FRYL: variants seen among roughly 807,000 people sequenced by gnomAD.
FRYL encodes the protein protein furry homolog-like.
FRYL carries 150 observed loss-of-function variants against 351.2 expected under a neutral mutation model. The observed-to-expected ratio is 0.43, with a 90% CI of 0.37 to 0.49. The LOEUF is 0.49. Ranked by LOEUF, FRYL falls within the 20% of genes least tolerant of loss-of-function variation. FRYL has a pLI of 0.00. For synonymous variants in FRYL, 1,153 were observed against 1,257.1 expected (o/e 0.92, Z 1.75); for missense variants, 3,036 against 3,619.3 (o/e 0.84, Z 4.13).
intron 1 of FRYL, among the ~76,000 whole-genome samples, chr4:48,749,269 T>C (rs1252249520): frequency 1.3e-5 from 2 of 152,222 alleles, no homozygotes; most frequent in East Asian, 1.9e-4. Flanking sequence ...GCTATATTTG[T>C]GACTTAAGTG....
At chr4:48,562,077 G>A (rs998615647) in intron 32 of FRYL, among the ~76,000 whole-genome samples, 2 of 151,970 alleles carry the variant, frequency 1.3e-5, no homozygotes, top group African/African-American at 2.4e-5. Flanking sequence ...TACATTCCTC[G>A]TATTTAATGC....
At chr4:48,613,548 A>C (rs1748681233) in intron 7 of FRYL, among the ~76,000 whole-genome samples, 1 of 152,220 alleles carries the variant, frequency 6.6e-6, no homozygotes, top group Admixed American at 6.5e-5. Context: ...AACACTTGTT[A>C]ACAGTCTTAC....
intron 3 of FRYL, among the ~76,000 whole-genome samples, chr4:48,649,239 A>T (rs762980371): frequency 2.6e-5 from 4 of 152,166 alleles, no homozygotes; most frequent in Non-Finnish European, 5.9e-5. Flanking sequence ...CTATTTTTAC[A>T]ATCCAAAAAA....
chr4:48,595,558 T>TATAC, intron 15 of FRYL, 32 bp downstream of exon 15: 1 of 1,250,968 alleles, frequency 8.0e-7, no homozygotes, highest in Non-Finnish European at 1.1e-6. Context: ...TAACAATTTA[T>TATAC]ATACATACAT....
chr4:48,707,334 A>G (rs1480577418), intron 2 of FRYL, among the ~76,000 whole-genome samples: 1 of 152,204 alleles, frequency 6.6e-6, no homozygotes, highest in Non-Finnish European at 1.5e-5. Context: ...CAATTTTATC[A>G]TTACTTTTTT....
intron 54 of FRYL, among the ~76,000 whole-genome samples, chr4:48,522,464 G>A (rs1304432038): frequency 6.6e-6 from 1 of 152,090 alleles, no homozygotes. Flanking sequence ...GTACTCTTCT[G>A]AAATAACAGG....
At chr4:48,710,017 C>G (rs1300577730) in intron 2 of FRYL, among the ~76,000 whole-genome samples, 1 of 152,140 alleles carries the variant, frequency 6.6e-6, no homozygotes, top group African/African-American at 2.4e-5. Context: ...GAGTAAATAT[C>G]AGAGTTGCCT....
Position 48,499,309 on chromosome 4 carries a change from A to G in FRYL, c.*113T>C. ...ATACAGTTTGACATTAGTTACACTA[A>G]AAAGTAGATGCTGCCAGAAAGTTAT... is the stretch of plus-strand genomic sequence containing the variant. On this transcript the variant is annotated 3_prime_UTR_variant, in exon 64 of 64. Coordinates refer to ENST00000358350, the MANE Select transcript of FRYL (RefSeq NM_015030.2). 3.3e-6 allele frequency: 3 copies of G among 899,828 alleles called. No homozygotes were observed. The highest frequency in any genetic ancestry group is 5.2e-6 in the Non-Finnish European group (3 of 575,492). 55.7% of individuals were successfully genotyped at this position (899,828 alleles called of 1,614,324 possible).
rs754121307 is a variant in FRYL at position 48,720,422 on chromosome 4, G to A, written c.-383-9724C>T. Among the ~76,000 whole-genome samples the A allele has an allele frequency of 1.2e-4, 19 of 152,058 alleles. No homozygotes were observed. The East Asian group carries it at 2.3e-3, about 19-fold the overall frequency. ...TGAGGCAGGAGAACTGCTTGAACCC[G>A]GGAGGTGGAGGTTGCAGTGAGCTGA... On this transcript the variant is annotated intron_variant, in intron 1 of 63. Coordinates refer to ENST00000358350, the MANE Select transcript of FRYL (RefSeq NM_015030.2).
intron 1 of FRYL, among the ~76,000 whole-genome samples, chr4:48,710,976 T>C (rs1382736686): frequency 1.3e-5 from 2 of 152,138 alleles, no homozygotes; most frequent in Admixed American, 6.5e-5. Flanking sequence ...ATAAATAAAA[T>C]GTGGTATACC....
chr4:48,518,429 T>C (rs1216279174), intron 55 of FRYL, among the ~76,000 whole-genome samples: 2 of 152,166 alleles, frequency 1.3e-5, no homozygotes, highest in Non-Finnish European at 2.9e-5. Context: ...CTACCAACAA[T>C]GAGGCTGCAA....
Position 48,567,535 on chromosome 4 carries a change from G to A in FRYL, c.2997-115C>T. On this transcript the variant is annotated intron_variant, in intron 27 of 63. Transcript: ENST00000358350. The surrounding 1 kb of genome is among the most constrained non-coding windows in gnomAD (Gnocchi z 4.2). ...ATGTTAATTTTGCATGCTCATGGCA[G>A]CACGCAACTTAATATATGAAAATTA... 1.5e-6 allele frequency: 1 copy of A among 651,858 alleles called. No homozygotes were observed. Among genetic ancestry groups the A allele is most frequent in the Non-Finnish European group, 2.4e-6 (1 of 408,242 alleles). The allele number at this position is 651,858 out of a possible 1,614,324, so 40.4% of individuals were successfully genotyped here.
At chr4:48,690,323 T>C (rs1174406161) in intron 2 of FRYL, among the ~76,000 whole-genome samples, 2 of 152,178 alleles carry the variant, frequency 1.3e-5, no homozygotes, top group Non-Finnish European at 2.9e-5. Flanking sequence ...CCATTTGTAC[T>C]GCTCATGAAT....
intron 3 of FRYL, among the ~76,000 whole-genome samples, chr4:48,681,891 T>C (rs1764663678): frequency 6.6e-6 from 1 of 152,190 alleles, no homozygotes. Flanking sequence ...TACAAAATAT[T>C]TGGAAATAGC....
At chr4:48,621,920 T>A (rs1302683449) in intron 5 of FRYL, among the ~76,000 whole-genome samples, 6 of 152,192 alleles carry the variant, frequency 3.9e-5, no homozygotes, top group East Asian at 1.9e-4. Flanking sequence ...AACTAAGGTA[T>A]AAACAAGGTT....
In FRYL at chr4:48,581,609, G is replaced by C; in HGVS notation, c.1987-4C>G. ...AAGCTCCATTAGCTACACCATGCTT[G>C]AAAAACAGAAGTTAAAAACAAAATA... On this transcript the variant is annotated splice_polypyrimidine_tract_variant and splice_region_variant and intron_variant, in intron 20 of 63. Transcript: ENST00000358350. 1 of 1,575,206 alleles carries C rather than the reference G, an allele frequency of 6.3e-7. No homozygotes were observed. The highest frequency in any genetic ancestry group is 1.4e-5 in the African/African-American group (1 of 72,770).
intron 3 of FRYL, among the ~76,000 whole-genome samples, chr4:48,649,091 G>A (rs1281870635): frequency 2.0e-5 from 3 of 152,108 alleles, no homozygotes; most frequent in African/African-American, 7.2e-5. Context: ...AGATACGTGT[G>A]CAAAGACATA....
intron 1 of FRYL, among the ~76,000 whole-genome samples, chr4:48,755,381 A>G (rs1773668456): frequency 6.6e-6 from 1 of 152,218 alleles, no homozygotes; most frequent in Non-Finnish European, 1.5e-5. Flanking sequence ...TACAAAAAAT[A>G]GACAGTGAAT....
chr4:48,680,898 A>T, intron 3 of FRYL: 1 of 881,360 alleles, frequency 1.1e-6, no homozygotes, highest in Non-Finnish European at 1.4e-6. Context: ...ATACTTTTTT[A>T]AAGGATGCAA....
Sources: gnomAD v4.1 joint callset for allele counts (sites outside exome capture counted in the v4.1 genomes callset) on GRCh38, gnomAD v4.1.1 for gene constraint, Gnocchi (gnomAD v3.1) non-coding constraint, MANE v1.5 for transcripts, NCBI Gene and HGNC (gene_info 2026-07-23, HGNC 2026-07-21) for gene names.